Variants in ASIC2 observed in about 807,000 individuals in gnomAD.
ASIC2 encodes the protein acid-sensing ion channel 2.
A neutral mutation model predicts 57.3 loss-of-function variants in ASIC2; 25 were observed. That is an observed-to-expected ratio of 0.44 (90% CI 0.32 to 0.61). ASIC2 has a LOEUF of 0.61. Among genes scored for constraint, ASIC2 ranks in the 20% least tolerant of loss-of-function variants. The pLI is 0.06. For missense variants in ASIC2, 641 were observed against 738.1 expected, an observed-to-expected ratio of 0.87 and a Z score of 1.52; for synonymous variants, 319 against 307.5, an observed-to-expected ratio of 1.04 and a Z score of -0.39.
chr17:33,387,703 C>T lies in ASIC2; in HGVS notation c.556-275636G>A, dbSNP rs117756123. On this transcript the variant is annotated intron_variant, in intron 1 of 9. Transcript: ENST00000359872. ...TTAAGATGGGGCCATTACCCTGGCC[C>T]GGAAAGCAATCTTCTAAGAGAGAGG... is the stretch of plus-strand genomic sequence containing the variant. 3.5e-3 allele frequency among the ~76,000 whole-genome samples: 531 copies of T among 152,216 alleles called. 6 individuals carry two copies. Among genetic ancestry groups the T allele is most frequent in the East Asian group, 0.02 (106 of 5,188 alleles).
chr17:33,971,056 T>C (rs569754747), intron 1 of ASIC2, among the ~76,000 whole-genome samples: 1 of 152,288 alleles, frequency 6.6e-6, no homozygotes, highest in South Asian at 2.1e-4. Context: ...CCACTCCCAT[T>C]TCTTTATGCT....
intron 3 of ASIC2, among the ~76,000 whole-genome samples, chr17:33,064,489 C>T (rs77408918): frequency 2.0e-4 from 31 of 152,290 alleles, no homozygotes; most frequent in East Asian, 9.7e-4. Flanking sequence ...GGTTCAGCAG[C>T]GGAGGCTGCA....
intron 1 of ASIC2, among the ~76,000 whole-genome samples, chr17:33,534,904 G>A (rs1383793457): frequency 6.6e-6 from 1 of 152,230 alleles, no homozygotes; most frequent in Non-Finnish European, 1.5e-5. Flanking sequence ...AGGTTGGAAT[G>A]GATCACAAAT....
intron 1 of ASIC2, among the ~76,000 whole-genome samples, chr17:33,921,350 T>C (rs1044405287): frequency 2.0e-5 from 3 of 152,240 alleles, no homozygotes; most frequent in Non-Finnish European, 2.9e-5. Context: ...ATACCTGTTA[T>C]TTACTGAATG....
chr17:33,330,414 A>G (rs1050631308), intron 1 of ASIC2, among the ~76,000 whole-genome samples: 1 of 152,228 alleles, frequency 6.6e-6, no homozygotes, highest in East Asian at 1.9e-4. Flanking sequence ...GTGACAAACC[A>G]GGATCAGAAG....
intron 1 of ASIC2, among the ~76,000 whole-genome samples, chr17:33,723,296 T>C (rs1909442772): frequency 6.6e-6 from 1 of 152,206 alleles, no homozygotes; most frequent in Non-Finnish European, 1.5e-5. Flanking sequence ...CCAAACACTC[T>C]ATGATTCCAT....
intron 1 of ASIC2, among the ~76,000 whole-genome samples, chr17:33,202,997 A>T (rs1906934262): frequency 6.6e-6 from 1 of 152,218 alleles, no homozygotes; most frequent in Admixed American, 6.5e-5. Context: ...GAGAGAAAAA[A>T]AGCAACAGGA....
At chr17:33,852,090 G>C (rs1257411485) in intron 1 of ASIC2, among the ~76,000 whole-genome samples, 1 of 152,232 alleles carries the variant, frequency 6.6e-6, no homozygotes, top group Non-Finnish European at 1.5e-5. Context: ...TCTTCTGCAT[G>C]TCAGACAGAG....
chr17:33,278,583 T>A (rs1440676442), intron 1 of ASIC2, among the ~76,000 whole-genome samples: 21 of 152,092 alleles, frequency 1.4e-4, no homozygotes, highest in Admixed American at 1.4e-3. Context: ...GCCCTTCCCA[T>A]CGTTCTGATC....
chr17:33,309,937 T>C (rs1906338239), intron 1 of ASIC2, among the ~76,000 whole-genome samples: 1 of 144,212 alleles, frequency 6.9e-6, no homozygotes, highest in African/African-American at 2.6e-5. Context: ...ATGCCATGAC[T>C]CCTCCCCTCC....
At chr17:33,932,762 A>ATATATATATATATATT (rs1915971970) in intron 1 of ASIC2, 1 of 133,416 alleles carries the variant, frequency 7.5e-6, no homozygotes, top group African/African-American at 2.8e-5. Flanking sequence ...ATATATATAT[A>ATATATATATATATATT]GTATGATAAA....
At chr17:33,639,742 G>A (rs531171115) in intron 1 of ASIC2, among the ~76,000 whole-genome samples, 1 of 136,776 alleles carries the variant, frequency 7.3e-6, no homozygotes, top group South Asian at 2.5e-4. Context: ...ACTAAGGGTG[G>A]GCAGAAAGCT....
At chr17:33,212,511 A>C (rs986532045) in intron 1 of ASIC2, among the ~76,000 whole-genome samples, 2 of 152,186 alleles carry the variant, frequency 1.3e-5, no homozygotes, top group African/African-American at 4.8e-5. Context: ...CAGACTTCTG[A>C]CCTCCAGAAC....
At chr17:33,203,719 C>T (rs1160972676) in intron 1 of ASIC2, among the ~76,000 whole-genome samples, 1 of 152,132 alleles carries the variant, frequency 6.6e-6, no homozygotes, top group Non-Finnish European at 1.5e-5. Flanking sequence ...GCACATAGTA[C>T]AGGCTCACTC....
chr17:33,378,402 G>A (rs931751264), intron 1 of ASIC2, among the ~76,000 whole-genome samples: 13 of 152,148 alleles, frequency 8.5e-5, no homozygotes, highest in African/African-American at 3.1e-4. Context: ...AGCTGGTTCA[G>A]AGGGCTAGCA....
intron 1 of ASIC2, among the ~76,000 whole-genome samples, chr17:33,634,544 C>T (rs1906285639): frequency 1.5e-5 from 2 of 132,150 alleles, no homozygotes; most frequent in Non-Finnish European, 3.1e-5. Flanking sequence ...GAGACAGAGT[C>T]TCACTCTGTC....
Position 34,008,034 on chromosome 17 carries a change from A to G in ASIC2, c.555+147944T>C, listed in dbSNP as rs187677911. 3.9e-5 allele frequency among the ~76,000 whole-genome samples: 6 copies of G among 152,206 alleles called. No individual in the cohort carries two copies. In the East Asian group the frequency reaches 1.2e-3, roughly 29 times the overall value. On this transcript the variant is annotated intron_variant, in intron 1 of 9. Coordinates refer to the ASIC2 transcript ENST00000359872. ...ATCATTAGTTCTTCCTTTAGCATGG[A>G]TGGGGCTGGGAAGGTGGCTCATGTG...
chr17:33,216,554 G>T (rs1184647524), intron 1 of ASIC2, among the ~76,000 whole-genome samples: 3 of 152,202 alleles, frequency 2.0e-5, no homozygotes, highest in Admixed American at 1.3e-4. Context: ...TCCAAGCAGG[G>T]TTTGCAAAGA....
intron 1 of ASIC2, among the ~76,000 whole-genome samples, chr17:33,369,539 A>C (rs952234826): frequency 6.6e-6 from 1 of 152,218 alleles, no homozygotes; most frequent in Non-Finnish European, 1.5e-5. Context: ...GATGCACAGG[A>C]AGACACTTTA....
Sources: allele counts gnomAD v4.1 joint callset (sites outside exome capture counted in the v4.1 genomes callset), GRCh38; gene constraint gnomAD v4.1.1; transcripts MANE v1.5; gene names NCBI Gene and HGNC (gene_info 2026-07-23, HGNC 2026-07-21).